Variants in ANKRD46 observed in about 807,000 individuals in gnomAD.
ANKRD46 encodes ankyrin repeat domain-containing protein 46.
In ANKRD46, 13 loss-of-function variants were observed where a neutral mutation model predicts 19.8. That is an observed-to-expected ratio of 0.66 (90% confidence interval 0.43 to 1.04). The LOEUF (loss-of-function observed/expected upper bound fraction) is 1.04. ANKRD46 is among the 50% of genes least tolerant of loss of function. The pLI is 0.00. For missense variants in ANKRD46, 185 were observed against 274.8 expected, an observed-to-expected ratio of 0.67 and a Z score of 2.31; for synonymous variants, 91 against 106.9, an observed-to-expected ratio of 0.85 and a Z score of 0.92.
intron 4 of ANKRD46, 93 bp from the exon 5 acceptor site, chr8:100,522,864 TACACACACACACACACAC>T (rs199938933): frequency 1.7e-4 from 101 of 594,254 alleles, no homozygotes; most frequent in African/African-American, 1.7e-3. Flanking sequence ...AAAGACCAAA[TACACACACACACACACAC>T]ACACACACAC....
chr8:100,512,896 T>C (rs7816411), intron 5 of ANKRD46, among the ~76,000 whole-genome samples: 65,457 of 151,974 alleles, frequency 0.43, 14,317 homozygotes, highest in Non-Finnish European at 0.48. Context: ...TGAGATTGGC[T>C]GGTTCGGGGG....
intron 4 of ANKRD46, among the ~76,000 whole-genome samples, chr8:100,526,707 C>CA (rs1811849361): frequency 1.3e-5 from 2 of 151,806 alleles, no homozygotes; most frequent in South Asian, 4.2e-4. Flanking sequence ...ATTAATGGTC[C>CA]CCAAAGAGCA....
In ANKRD46 at chr8:100,550,933, C is replaced by T; in HGVS notation, c.-131+8778G>A. ...CCCTTGAGGGGCCCTCTGACGCCTG[C>T]TTCACCACCTTTTTGATGTCATCAT... On this transcript the variant is annotated intron_variant, in intron 1 of 4. Coordinates refer to ENST00000335659, the MANE Select transcript of ANKRD46 (RefSeq NM_001270377.2). The surrounding 1 kb of genome is among the most constrained non-coding windows in gnomAD (Gnocchi z 4.4). 3 of 600,510 alleles carry T rather than the reference C, an allele frequency of 5.0e-6. No individual in the cohort carries two copies. The highest frequency in any genetic ancestry group is 6.2e-6 in the Non-Finnish European group (2 of 323,024). 37.2% of individuals were successfully genotyped at this position (600,510 alleles called of 1,614,324 possible). A position where few individuals can be genotyped will look rare whatever the true frequency, so the allele number is the denominator to read the frequency against.
chr8:100,547,340 T>C (rs1205916548), intron 1 of ANKRD46, among the ~76,000 whole-genome samples: 1 of 152,152 alleles, frequency 6.6e-6, no homozygotes, highest in East Asian at 1.9e-4. Flanking sequence ...TGAGATCTGA[T>C]GGTTTTAATA....
rs2130622098 is a variant in ANKRD46, at chr8:100,510,747, G to T, written c.637-108C>A. 2 of 1,005,718 alleles carry T rather than the reference G, an allele frequency of 2.0e-6. No individual in the cohort carries two copies. Among genetic ancestry groups the T allele is most frequent in the Admixed American group, 2.6e-5 (1 of 38,922 alleles). 62.3% of individuals were successfully genotyped at this position (1,005,718 alleles called of 1,614,324 possible). On this transcript the variant is annotated intron_variant, in intron 5 of 5. Transcript: ENST00000520552. This position sits in a 1 kb window ranked among gnomAD's most constrained non-coding sequence, Gnocchi z 4.9. Reference sequence around the variant, plus strand: ...AATCATAAATATATAGAACCAGAAAGCACAGGCTTGCTTCTCCTCTGCCCA... The same window carrying T: ...AATCATAAATATATAGAACCAGAAATCACAGGCTTGCTTCTCCTCTGCCCA...
At chr8:100,516,012 A>T (rs571439516), downstream of ANKRD46, among the ~76,000 whole-genome samples, 7 of 152,166 alleles carry the variant, frequency 4.6e-5, no homozygotes, top group East Asian at 1.4e-3. Context: ...AGTTGGGATT[A>T]CAGGCATGCG....
chr8:100,512,074 G>A (rs1230264365), intron 5 of ANKRD46, among the ~76,000 whole-genome samples: 1 of 152,180 alleles, frequency 6.6e-6, no homozygotes, highest in South Asian at 2.1e-4. Flanking sequence ...TAGGAGAAAG[G>A]GGGAAAGGAG....
In ANKRD46 at chr8:100,511,570, C is replaced by CA. The variant is rs199498687; in HGVS notation, c.637-932dup. Among the ~76,000 whole-genome samples, 1,276 of 150,158 alleles carry CA rather than the reference C, an allele frequency of 8.5e-3. 22 individuals are homozygous for CA. The highest frequency in any genetic ancestry group is 0.029 in the African/African-American group (1,177 of 40,936). ...TACTTATTTTATCCAAATTAAATGACAAAAAAAAATCATATACACATACCT... is the reference window on the plus strand; with the variant it reads ...TACTTATTTTATCCAAATTAAATGACAAAAAAAAAATCATATACACATACCT... On this transcript the variant is annotated intron_variant, in intron 5 of 5. Coordinates refer to the ANKRD46 transcript ENST00000520552. This position sits in a 1 kb window ranked among gnomAD's most constrained non-coding sequence, Gnocchi z 4.1.
chr8:100,526,036 T>C (rs1038051284), intron 4 of ANKRD46, among the ~76,000 whole-genome samples: 8 of 152,182 alleles, frequency 5.3e-5, no homozygotes, highest in African/African-American at 1.9e-4. Context: ...ATTTCTACCA[T>C]GACACTGAGG....
chr8:100,522,888 CACACACACACACACACATATATAT>C, intron 4 of ANKRD46, 117 bp from the exon 5 acceptor site: 2 of 567,804 alleles, frequency 3.5e-6, no homozygotes, highest in Non-Finnish European at 6.0e-6. Flanking sequence ...CACACACACA[CACACACACACACACACATATATAT>C]ATATACACAC....
downstream of ANKRD46, among the ~76,000 whole-genome samples, chr8:100,519,000 T>C (rs558175648): frequency 5.3e-5 from 8 of 152,350 alleles, no homozygotes; most frequent in Admixed American, 4.6e-4. Context: ...TCAAGAATCA[T>C]GTGGGATTTA....
Position 100,522,492 on chromosome 8 carries a change from C to T in ANKRD46, c.*63G>A. On this transcript the variant is annotated 3_prime_UTR_variant, in exon 5 of 5. Coordinates refer to ENST00000335659, the MANE Select transcript of ANKRD46 (RefSeq NM_001270377.2). ...TTGCGCTAAGAAAAATTCTGAGAAA[C>T]TGAGAACAAACATTGGAAGCCAGGA... 3 of 1,587,200 alleles carry T rather than the reference C, an allele frequency of 1.9e-6. No individual in the cohort carries two copies. Among genetic ancestry groups the T allele is most frequent in the Non-Finnish European group, 2.6e-6 (3 of 1,165,968 alleles).
At chr8:100,528,123 G>A in intron 3 of ANKRD46, 120 bp from the exon 4 acceptor site, 1 of 1,126,372 alleles carries the variant, frequency 8.9e-7, no homozygotes, top group African/African-American at 1.6e-5. Flanking sequence ...AGAAAGAATG[G>A]GCCCAATTAG....
intron 5 of ANKRD46, among the ~76,000 whole-genome samples, chr8:100,515,683 C>T (rs1048930423): frequency 4.0e-5 from 6 of 149,752 alleles, no homozygotes; most frequent in Non-Finnish European, 8.9e-5. Flanking sequence ...GTGATGGCAG[C>T]GTGTGAGGGA....
Position 100,524,614 on chromosome 8 carries a change from A to C in ANKRD46, c.471-1843T>G, listed in dbSNP as rs1811802916. 6.6e-6 allele frequency among the ~76,000 whole-genome samples: 1 copy of C among 152,196 alleles called. No homozygotes were observed. The highest frequency in any genetic ancestry group is 1.5e-5 in the Non-Finnish European group (1 of 68,036). The stretch of plus-strand genomic sequence containing the variant: ...TTGGAACACTTGACAGCAAGTTTAA[A>C]AATAAGATTAGAACTTTGAGAAGGC... On this transcript the variant is annotated intron_variant, in intron 4 of 4. Coordinates refer to ENST00000335659, the MANE Select transcript of ANKRD46 (RefSeq NM_001270377.2). The surrounding 1 kb of genome is among the most constrained non-coding windows in gnomAD (Gnocchi z 4.3).
At chr8:100,553,249 TA>T (rs986990192) in intron 1 of ANKRD46, among the ~76,000 whole-genome samples, 13 of 152,126 alleles carry the variant, frequency 8.5e-5, no homozygotes, top group African/African-American at 3.1e-4. Flanking sequence ...TTGTTGTGTT[TA>T]AAAAAAATCA....
intron 4 of ANKRD46, among the ~76,000 whole-genome samples, chr8:100,526,272 T>C (rs1218132185): frequency 6.6e-6 from 1 of 152,186 alleles, no homozygotes; most frequent in Non-Finnish European, 1.5e-5. Flanking sequence ...ATGCTAAAAG[T>C]ATATTTCTAA....
Position 100,537,883 on chromosome 8 carries a change from G to GGT in ANKRD46, c.-130-4574_-130-4573dup, listed in dbSNP as rs1812095782. ...AGGGCCATACTGCTTTAAGTGGCAG[G>GGT]GTGGGGCTTCATATTTAGCTTATAT... is the stretch of plus-strand genomic sequence containing the variant. On this transcript the variant is annotated intron_variant, in intron 1 of 4. Coordinates refer to ENST00000335659, the MANE Select transcript of ANKRD46 (RefSeq NM_001270377.2). This position sits in a 1 kb window ranked among gnomAD's most constrained non-coding sequence, Gnocchi z 4.2. Among the ~76,000 whole-genome samples, 1 of 152,146 alleles carries GGT rather than the reference G, an allele frequency of 6.6e-6. No individual in the cohort carries two copies.
downstream of ANKRD46, chr8:100,520,741 T>TA (rs5893523): frequency 0.34 from 239,804 of 714,296 alleles, 10,055 homozygotes; most frequent in Admixed American, 0.39. Flanking sequence ...TATAATACAC[T>TA]AAAAAAAAAA....
Sources: allele counts gnomAD v4.1 joint callset (sites outside exome capture counted in the v4.1 genomes callset), GRCh38; gene constraint gnomAD v4.1.1; non-coding constraint Gnocchi (gnomAD v3.1); transcripts MANE v1.5; gene names NCBI Gene and HGNC (gene_info 2026-07-23, HGNC 2026-07-21).